Variants in PDZD8 observed in about 807,000 individuals in gnomAD.
PDZD8 encodes the protein PDZ domain containing 8.
In PDZD8, 14 loss-of-function variants were observed where a neutral mutation model predicts 85.8. That is an observed-to-expected ratio of 0.16 (90% confidence interval 0.11 to 0.26). PDZD8 has a LOEUF of 0.26. Among genes scored for constraint, PDZD8 ranks in the 10% least tolerant of loss-of-function variants. The pLI, the probability that PDZD8 is intolerant of heterozygous loss-of-function variation, is 1.00. For missense variants in PDZD8, 1,197 were observed against 1,424.3 expected (o/e 0.84, Z 2.57); for synonymous variants, 592 against 568.6 (o/e 1.04, Z -0.59).
In PDZD8 at chr10:117,283,427, T is replaced by G. The variant is rs780741785; in HGVS notation, c.3306A>C (p.Glu1102Asp). ...IHYRAGIEDI[E>D]TLESLSLDQH... ...GGTCTAAAGACAGACTTTCTAAAGT[T>G]TCTATATCTTCAATGCCTGCTCTGT... Residue 1102 changes from glutamate (E) to aspartate (D), a missense_variant, in exon 5 of 5, where the codon GAA becomes GAC. Glu to Asp is a conservative substitution (Grantham distance 45). Around this residue, in one of 4 missense-constraint regions of PDZD8, gnomAD observed 418 missense variants for 571.1 expected, o/e 0.73. Coordinates refer to ENST00000334464, the MANE Select transcript of PDZD8 (RefSeq NM_173791.5). The G allele has an allele frequency of 1.9e-6, 3 of 1,614,102 alleles. No individual in the cohort carries two copies. Among genetic ancestry groups the G allele is most frequent in the Non-Finnish European group, 2.5e-6 (3 of 1,179,942 alleles).
rs769390684 is a variant in PDZD8, at chr10:117,284,291, T to C, written c.2442A>G (p.Glu814=). 3.0e-5 allele frequency: 49 copies of C among 1,613,662 alleles called. No homozygotes were observed. Among genetic ancestry groups the C allele is most frequent in the Non-Finnish European group, 2.4e-5 (28 of 1,179,970 alleles). The change falls in exon 5 of 5, where the codon GAA becomes GAG. Residue 814 remains glutamate (E), a synonymous_variant. Coordinates refer to ENST00000334464, the MANE Select transcript of PDZD8 (RefSeq NM_173791.5). ...HVVTNVEKEK[E]PHLVEEVSVL... is the part of the protein sequence containing the mutation. ...CAGAAACTTCTTCAACCAAATGGGG[T>C]TCTTTTTCTTTTTCTACGTTAGTAA...
rs181745281 is a variant in PDZD8 at position 117,313,151 on chromosome 10, T to C, written c.1098+5721A>G. ...CCATGTGTAAATCTGAAGATTATAC[T>C]GTACATTCCTTCTTCTAGATCTGTG... On this transcript the variant is annotated intron_variant, in intron 3 of 4. Transcript: ENST00000334464. Among the ~76,000 whole-genome samples the C allele has an allele frequency of 9.8e-3, 1,489 of 152,302 alleles. 7 individuals are homozygous for C. Among genetic ancestry groups the C allele is most frequent in the Middle Eastern group, 0.027 (8 of 294 alleles).
chr10:117,374,220 G>A lies in PDZD8; in HGVS notation c.872+136C>T. On this transcript the variant is annotated intron_variant, in intron 1 of 4. Transcript: ENST00000334464. The surrounding 1 kb of genome is among the most constrained non-coding windows in gnomAD (Gnocchi z 7.8). ...GTGTTCACGACTCGCCTTGATCTGG[G>A]GCCCTGTCCAGGGTGGGAAGGCCCC... 7.4e-7 allele frequency: 1 copy of A among 1,344,860 alleles called. No individual in the cohort carries two copies. Among genetic ancestry groups the A allele is most frequent in the Non-Finnish European group, 1.0e-6 (1 of 999,834 alleles). The allele number at this position is 1,344,860 out of a possible 1,614,324, so 83.3% of individuals were successfully genotyped here.
Position 117,342,419 on chromosome 10 carries a change from CACACACACAT to C in PDZD8, c.873-1327_873-1318del, listed in dbSNP as rs1375517777. Among the ~76,000 whole-genome samples, 870 of 150,734 alleles carry C rather than the reference CACACACACAT, an allele frequency of 5.8e-3. 14 individuals carry two copies. Among genetic ancestry groups the C allele is most frequent in the East Asian group, 0.026 (133 of 5,154 alleles). Reference sequence around the variant, plus strand: ...ACACACACACACACACACACACACACACACACACATAGTCAAAAGTTCTTGGTTTCACATT... The same window carrying C: ...ACACACACACACACACACACACACACAGTCAAAAGTTCTTGGTTTCACATT... On this transcript the variant is annotated intron_variant, in intron 1 of 4. Coordinates refer to ENST00000334464, the MANE Select transcript of PDZD8 (RefSeq NM_173791.5).
rs1844595677 is a variant in PDZD8, at chr10:117,283,198, A to T, written c.*70T>A. ...CCAGAGTGCATACGAGGATTTAAACATGGTTGTATCTGTGGTACTTTAGAT... is the reference window on the plus strand; with the variant it reads ...CCAGAGTGCATACGAGGATTTAAACTTGGTTGTATCTGTGGTACTTTAGAT... On this transcript the variant is annotated 3_prime_UTR_variant, in exon 5 of 5. Transcript: ENST00000334464. 6.9e-7 allele frequency: 1 copy of T among 1,446,310 alleles called. No homozygotes were observed. Among genetic ancestry groups the T allele is most frequent in the Non-Finnish European group, 9.3e-7 (1 of 1,072,492 alleles). 89.6% of individuals were successfully genotyped at this position (1,446,310 alleles called of 1,614,324 possible). A position where few individuals can be genotyped will look rare whatever the true frequency, so the allele number is the denominator to read the frequency against.
chr10:117,360,116 G>A (rs775233641), intron 1 of PDZD8, among the ~76,000 whole-genome samples: 11 of 152,114 alleles, frequency 7.2e-5, no homozygotes, highest in Non-Finnish European at 1.6e-4. Flanking sequence ...TTCTAAAGCA[G>A]TTTTTATATA....
chr10:117,323,544 G>A (rs1217117718), intron 2 of PDZD8, among the ~76,000 whole-genome samples: 1 of 152,094 alleles, frequency 6.6e-6, no homozygotes, highest in African/African-American at 2.4e-5. Flanking sequence ...ATCCAGGGAA[G>A]AACTTCAAAA....
Position 117,281,351 on chromosome 10 carries a change from CAAAAAA to C in PDZD8, c.*1911_*1916del, listed in dbSNP as rs57494461. The C allele has an allele frequency of 8.8e-6, 1 of 113,934 alleles. No individual in the cohort carries two copies. Among genetic ancestry groups the C allele is most frequent in the Non-Finnish European group, 1.8e-5 (1 of 57,016 alleles). The allele number at this position is 113,934 out of a possible 1,614,324, so 7.1% of individuals were successfully genotyped here. The stretch of plus-strand genomic sequence containing the variant: ...CCTGGGAGACAGCGAGACTCTGTCT[CAAAAAA>C]AAAAAAAAAAAAAAAAAAAAAAAAA... On this transcript the variant is annotated 3_prime_UTR_variant, in exon 5 of 5. Transcript: ENST00000334464.
intron 3 of PDZD8, among the ~76,000 whole-genome samples, chr10:117,318,548 T>C (rs1484196079): frequency 6.6e-6 from 1 of 152,188 alleles, no homozygotes; most frequent in Non-Finnish European, 1.5e-5. Flanking sequence ...AATGAATGAA[T>C]AATGAATACT....
At chr10:117,349,580 C>T (rs1356729801) in intron 1 of PDZD8, among the ~76,000 whole-genome samples, 1 of 152,108 alleles carries the variant, frequency 6.6e-6, no homozygotes. Context: ...AGGCAGGCGA[C>T]CTGCTTGAGC....
chr10:117,298,004 G>T (rs1313296493), intron 3 of PDZD8, among the ~76,000 whole-genome samples: 1 of 151,906 alleles, frequency 6.6e-6, no homozygotes, highest in Non-Finnish European at 1.5e-5. Context: ...AAGACAACTT[G>T]GTATGAATTT....
At position 117,279,336 on chromosome 10, in the gene PDZD8, C is replaced by T. The variant is rs1404965811; in HGVS notation, c.*3932G>A. 2.0e-5 allele frequency: 3 copies of T among 152,090 alleles called. No individual in the cohort carries two copies. The highest frequency in any genetic ancestry group is 7.2e-5 in the African/African-American group (3 of 41,396). 9.4% of individuals were successfully genotyped at this position (152,090 alleles called of 1,614,324 possible). A position where few individuals can be genotyped will look rare whatever the true frequency, so the allele number is the denominator to read the frequency against. On this transcript the variant is annotated 3_prime_UTR_variant, in exon 5 of 5. Coordinates refer to ENST00000334464, the MANE Select transcript of PDZD8 (RefSeq NM_173791.5). Reference sequence around the variant, plus strand: ...GGACCTGGTAATACAGATACAAAAACTTTAATGAGGTAGCAATGAATATTC... The same window carrying T: ...GGACCTGGTAATACAGATACAAAAATTTTAATGAGGTAGCAATGAATATTC...
In PDZD8 at chr10:117,282,380, AT is replaced by A. The variant is rs1460911374; in HGVS notation, c.*887del. 6.6e-6 allele frequency: 1 copy of A among 152,192 alleles called. No homozygotes were observed. Among genetic ancestry groups the A allele is most frequent in the African/African-American group, 2.4e-5 (1 of 41,462 alleles). 9.4% of individuals were successfully genotyped at this position (152,192 alleles called of 1,614,324 possible). On this transcript the variant is annotated 3_prime_UTR_variant, in exon 5 of 5. Transcript: ENST00000334464. ...ATCATAAATGTTTAAACTTTTAATTATAAAATTTAAATTTCCATTTAAAAGG... is the reference window on the plus strand; with the variant it reads ...ATCATAAATGTTTAAACTTTTAATTAAAAATTTAAATTTCCATTTAAAAGG...
chr10:117,343,454 A>G (rs1844651292), intron 1 of PDZD8, among the ~76,000 whole-genome samples: 1 of 152,176 alleles, frequency 6.6e-6, no homozygotes, highest in African/African-American at 2.4e-5. Context: ...TAGTAACTAA[A>G]TTTATATCAA....
In PDZD8 at chr10:117,318,940, T is replaced by C; in HGVS notation, c.1030A>G (p.Asn344Asp). 1 of 1,612,206 alleles carries C rather than the reference T, an allele frequency of 6.2e-7. No homozygotes were observed. Among genetic ancestry groups the C allele is most frequent in the Non-Finnish European group, 8.5e-7 (1 of 1,178,752 alleles). ...CTTAACTCAAGTGTGCAATGAACAT[T>C]TGCCTCTCTGTCATAGGATCCAAAA... ...LIFGSYDREA[N>D]VHCTLELSSS... Residue 344 changes from asparagine to aspartate, a missense_variant, in exon 3 of 5, where the codon AAT becomes GAT. Transcript: ENST00000334464.
chr10:117,368,851 G>GTTTTTTTT (rs3034161), intron 1 of PDZD8, among the ~76,000 whole-genome samples: 3 of 99,070 alleles, frequency 3.0e-5, no homozygotes, highest in Non-Finnish European at 4.2e-5. Context: ...TATTGACAAT[G>GTTTTTTTT]TTTTTTTTTT....
rs1343657354 is a variant in PDZD8, at chr10:117,284,620, C to T, written c.2113G>A (p.Glu705Lys). ...ATGTTTAAGTACCTGTGACAGGCTT[C>T]TATGTCAAACAAACAGGATGCTCTG... Reference protein sequence around the residue: ...RTRASCLFDIEACHRYLNIAL... With the variant: ...RTRASCLFDIKACHRYLNIAL... The change falls in exon 5 of 5, where the codon GAA becomes AAA. Residue 705 changes from glutamate to lysine, a missense_variant. By Grantham distance (56) the Glu-to-Lys change is moderately conservative. This residue lies in a region of PDZD8 where 418 missense variants were observed against 571.1 expected (regional missense o/e 0.73). Coordinates refer to ENST00000334464, the MANE Select transcript of PDZD8 (RefSeq NM_173791.5). 6.2e-7 allele frequency: 1 copy of T among 1,614,190 alleles called. No individual in the cohort carries two copies. Among genetic ancestry groups the T allele is most frequent in the Non-Finnish European group, 8.5e-7 (1 of 1,180,024 alleles).
At chr10:117,294,192 A>G (rs1312377392) in intron 3 of PDZD8, among the ~76,000 whole-genome samples, 3 of 152,112 alleles carry the variant, frequency 2.0e-5, no homozygotes, top group Admixed American at 2.0e-4. Flanking sequence ...TGGAACAGAT[A>G]CTTAAATAAT....
At chr10:117,295,686 A>T (rs1352277075) in intron 3 of PDZD8, among the ~76,000 whole-genome samples, 2 of 152,206 alleles carry the variant, frequency 1.3e-5, no homozygotes, top group African/African-American at 4.8e-5. Context: ...ATTAAAAAAG[A>T]TAATAATCAT....
Sources: allele counts gnomAD v4.1 joint callset (sites outside exome capture counted in the v4.1 genomes callset), GRCh38; gene constraint gnomAD v4.1.1; regional missense constraint gnomAD v4.1.1; non-coding constraint Gnocchi (gnomAD v3.1); transcripts MANE v1.5; gene names NCBI Gene and HGNC (gene_info 2026-07-23, HGNC 2026-07-21).